Variants in TYW1 observed in about 807,000 individuals in gnomAD.
TYW1 encodes the protein tRNA-yW synthesizing protein 1 homolog.
Under a neutral mutation model 96.2 loss-of-function variants are expected in TYW1, and 46 were observed. That is an observed-to-expected ratio of 0.48 (90% CI 0.38 to 0.61). TYW1 has a LOEUF of 0.61. Among genes scored for constraint, TYW1 ranks in the 20% least tolerant of loss-of-function variants. TYW1 has a pLI of 0.00. For missense variants in TYW1, 684 were observed against 909.6 expected (o/e 0.75, Z 3.19); for synonymous variants, 274 against 323.0 (o/e 0.85, Z 1.63).
At chr7:67,167,186 A>G (rs780756482) in intron 13 of TYW1, among the ~76,000 whole-genome samples, 54 of 152,174 alleles carry the variant, frequency 3.5e-4, no homozygotes, top group Non-Finnish European at 6.9e-4. Context: ...TAAGAAAGTC[A>G]TGGCCGGGCG....
At chr7:67,116,564 A>C (rs1405819196) in intron 12 of TYW1, among the ~76,000 whole-genome samples, 1 of 152,070 alleles carries the variant, frequency 6.6e-6, no homozygotes, top group African/African-American at 2.4e-5. Context: ...TGGCACATGC[A>C]TGTGGTCCCA....
intron 13 of TYW1, among the ~76,000 whole-genome samples, chr7:67,150,047 T>C (rs1306641449): frequency 6.6e-6 from 1 of 151,272 alleles, no homozygotes; most frequent in Admixed American, 6.6e-5. Context: ...TTTGAAAATA[T>C]CTGGTAGACT....
At chr7:67,173,840 G>A (rs1457875400) in intron 13 of TYW1, among the ~76,000 whole-genome samples, 1 of 141,182 alleles carries the variant, frequency 7.1e-6, no homozygotes, top group Non-Finnish European at 1.5e-5. Context: ...TGAATGGGTG[G>A]TGAATGGTGT....
intron 8 of TYW1, among the ~76,000 whole-genome samples, chr7:67,051,050 C>T (rs1156486722): frequency 1.3e-5 from 2 of 152,054 alleles, no homozygotes; most frequent in East Asian, 3.9e-4. Context: ...TGCCACCATG[C>T]TCAGCTAATT....
chr7:67,023,873 C>T lies in TYW1; in HGVS notation c.862-1027C>T, dbSNP rs144722796. Among the ~76,000 whole-genome samples the T allele has an allele frequency of 1.9e-3, 291 of 152,288 alleles. 2 individuals carry two copies. Among genetic ancestry groups the T allele is most frequent in the African/African-American group, 6.8e-3 (284 of 41,548 alleles). On this transcript the variant is annotated intron_variant, in intron 6 of 15. Transcript: ENST00000359626. ...AGGGATGAAGGCTGCCACGTATTAG[C>T]TGTGATTTCTTAACTTCTCTACCTT...
At chr7:67,008,437 T>A (rs921893884) in intron 3 of TYW1, among the ~76,000 whole-genome samples, 7 of 152,210 alleles carry the variant, frequency 4.6e-5, no homozygotes, top group African/African-American at 1.7e-4. Context: ...TCAGTTTCTC[T>A]GGCAACGAGC....
intron 13 of TYW1, among the ~76,000 whole-genome samples, chr7:67,146,735 A>C (rs1319928899): frequency 6.6e-6 from 1 of 152,256 alleles, no homozygotes; most frequent in South Asian, 2.1e-4. Context: ...GATAGTGAGT[A>C]GGTTAATCAA....
intron 12 of TYW1, among the ~76,000 whole-genome samples, chr7:67,101,100 C>G (rs1169973900): frequency 6.6e-6 from 1 of 152,150 alleles, no homozygotes; most frequent in African/African-American, 2.4e-5. Context: ...TCTCATACCT[C>G]TTTCTGCAGC....
chr7:67,137,889 C>G (rs1476021984), intron 13 of TYW1, among the ~76,000 whole-genome samples: 1 of 152,166 alleles, frequency 6.6e-6, no homozygotes, highest in Admixed American at 6.5e-5. Flanking sequence ...CGAAAACAAC[C>G]TCATCTTAGC....
In TYW1 at chr7:67,036,098, CA is replaced by C. The variant is rs748808427; in HGVS notation, c.984+11078del. On this transcript the variant is annotated intron_variant, in intron 7 of 15. Transcript: ENST00000359626. Reference sequence around the variant, plus strand: ...CTTTAATGCTGTCGCGCTGCATCGACAACTCACACACTTTGGTGTCATGTTG... The same window carrying C: ...CTTTAATGCTGTCGCGCTGCATCGACACTCACACACTTTGGTGTCATGTTG... 1.3e-4 allele frequency among the ~76,000 whole-genome samples: 19 copies of C among 147,196 alleles called. 1 individual carries two copies. Among genetic ancestry groups the C allele is most frequent in the Non-Finnish European group, 2.7e-4 (18 of 66,524 alleles).
intron 12 of TYW1, among the ~76,000 whole-genome samples, chr7:67,101,697 C>T (rs938505930): frequency 1.3e-5 from 2 of 151,908 alleles, no homozygotes; most frequent in African/African-American, 4.8e-5. Flanking sequence ...GGGGTTTCAC[C>T]ATGTTGGTCA....
Position 67,017,961 on chromosome 7 carries a change from G to A in TYW1, c.679G>A (p.Ala227Thr). The A allele has an allele frequency of 1.9e-6, 3 of 1,614,160 alleles. No individual in the cohort carries two copies. The highest frequency in any genetic ancestry group is 8.5e-7 in the Non-Finnish European group (1 of 1,180,046). Reference sequence around the variant, plus strand: ...TAAAAGCAAGCACGGCAGCATTGAGGCCGACTTCAGAGCATGGAAGACCAA... The same window carrying A: ...TAAAAGCAAGCACGGCAGCATTGAGACCGACTTCAGAGCATGGAAGACCAA... ...VVKSKHGSIE[A>T]DFRAWKTKFI... The change falls in exon 6 of 16, where the codon GCC (alanine) becomes ACC (threonine). Residue 227 changes from alanine to threonine, a missense_variant. Transcript: ENST00000359626.
At chr7:67,197,494 T>G (rs1180512146) in intron 15 of TYW1, among the ~76,000 whole-genome samples, 1 of 152,156 alleles carries the variant, frequency 6.6e-6, no homozygotes, top group Non-Finnish European at 1.5e-5. Flanking sequence ...CCCAGCTAAT[T>G]TTTGTGTTTT....
intron 14 of TYW1, among the ~76,000 whole-genome samples, chr7:67,194,461 C>A (rs561489833): frequency 1.3e-5 from 2 of 152,050 alleles, no homozygotes; most frequent in African/African-American, 4.8e-5. Context: ...CCCATCTCTA[C>A]TAAAAATACA....
intron 11 of TYW1, among the ~76,000 whole-genome samples, chr7:67,085,453 G>A (rs1010845361): frequency 1.3e-5 from 2 of 152,074 alleles, no homozygotes; most frequent in Non-Finnish European, 2.9e-5. Flanking sequence ...GAGGTGCCTT[G>A]CTTCCCCTTT....
At chr7:67,159,472 A>G (rs1188334065) in intron 13 of TYW1, among the ~76,000 whole-genome samples, 1 of 152,206 alleles carries the variant, frequency 6.6e-6, no homozygotes, top group Non-Finnish European at 1.5e-5. Flanking sequence ...TTTATAAACA[A>G]TAACATATAT....
chr7:67,093,532 T>A (rs1796788103), intron 11 of TYW1, among the ~76,000 whole-genome samples: 1 of 152,358 alleles, frequency 6.6e-6, no homozygotes, highest in East Asian at 1.9e-4. Flanking sequence ...TCTACTCAGC[T>A]GCTCATGGTG....
intron 12 of TYW1, among the ~76,000 whole-genome samples, chr7:67,107,045 C>G (rs916214601): frequency 6.6e-6 from 1 of 152,198 alleles, no homozygotes; most frequent in Non-Finnish European, 1.5e-5. Context: ...CTGAGACATT[C>G]ACCCCATCTT....
intron 7 of TYW1, among the ~76,000 whole-genome samples, chr7:67,042,147 A>G (rs1440488599): frequency 1.4e-5 from 2 of 147,834 alleles, no homozygotes; most frequent in South Asian, 2.1e-4. Flanking sequence ...ATAATTATAT[A>G]TTATTAGTAT....
Sources: allele counts gnomAD v4.1 joint callset (sites outside exome capture counted in the v4.1 genomes callset), GRCh38; gene constraint gnomAD v4.1.1; transcripts MANE v1.5; gene names NCBI Gene and HGNC (gene_info 2026-07-23, HGNC 2026-07-21).